The following RNF214 variants were observed in gnomAD, a reference collection of about 807,000 sequenced individuals.
The protein encoded by RNF214 is ring finger protein 214.
RNF214 carries 25 observed loss-of-function variants against 75.9 expected under a neutral mutation model. The ratio of observed to expected loss-of-function variants is 0.33; its 90% confidence interval spans 0.24 to 0.46. RNF214 has a LOEUF of 0.46. Ranked by LOEUF, RNF214 falls within the 20% of genes least tolerant of loss-of-function variation. The probability of loss-of-function intolerance (pLI) is 1.00; values close to 1 mark genes in which losing one functional copy is unlikely to be tolerated. For synonymous variants in RNF214, 314 were observed against 308.8 expected, an observed-to-expected ratio of 1.02 and a Z score of -0.18; for missense variants, 725 against 857.5, an observed-to-expected ratio of 0.85 and a Z score of 1.93.
In RNF214 at chr11:117,259,638, T is replaced by G. The variant is rs528636489; in HGVS notation, c.959+12690T>G. Among the ~76,000 whole-genome samples, 51 of 152,234 alleles carry G rather than the reference T, an allele frequency of 3.4e-4. 1 individual carries two copies. The highest frequency in any genetic ancestry group is 6.5e-4 in the Non-Finnish European group (44 of 68,048). The stretch of plus-strand genomic sequence containing the variant: ...TTATTTTTTAGAGATTGCAGATGGT[T>G]TGAATCATTGTGGTTTTAATATCCC... On this transcript the variant is annotated intron_variant, in intron 6 of 14. Coordinates refer to ENST00000300650, the MANE Select transcript of RNF214 (RefSeq NM_207343.4).
intron 4 of RNF214, among the ~76,000 whole-genome samples, chr11:117,241,925 T>G (rs963636059): frequency 1.3e-5 from 2 of 152,218 alleles, no homozygotes; most frequent in African/African-American, 4.8e-5. Flanking sequence ...CAGTGGGATC[T>G]CTCAGTATCT....
chr11:117,251,200 G>A (rs895821217), intron 6 of RNF214, among the ~76,000 whole-genome samples: 2 of 138,322 alleles, frequency 1.4e-5, no homozygotes, highest in Admixed American at 7.3e-5. Context: ...GCCGGGCAGA[G>A]GCGCCCCGCA....
chr11:117,235,850 A>G (rs981959069), intron 2 of RNF214, among the ~76,000 whole-genome samples: 1 of 152,186 alleles, frequency 6.6e-6, no homozygotes, highest in African/African-American at 2.4e-5. Context: ...GGTAATTAGC[A>G]TGTCCATCAT....
At chr11:117,248,034 A>T (rs950863700) in intron 6 of RNF214, among the ~76,000 whole-genome samples, 4 of 152,160 alleles carry the variant, frequency 2.6e-5, no homozygotes, top group African/African-American at 9.7e-5. Context: ...AGAAAAAGCA[A>T]AGTGGGCATA....
At chr11:117,251,450 C>G (rs544094243) in intron 6 of RNF214, among the ~76,000 whole-genome samples, 3 of 133,010 alleles carry the variant, frequency 2.3e-5, no homozygotes, top group African/African-American at 6.3e-5. Flanking sequence ...ACCTCCCTCC[C>G]GGACGGGGCG....
At chr11:117,257,125 G>T (rs536339974) in intron 6 of RNF214, among the ~76,000 whole-genome samples, 1 of 152,036 alleles carries the variant, frequency 6.6e-6, no homozygotes, top group African/African-American at 2.4e-5. Context: ...TTACTTGAGC[G>T]CAGGAGTTCG....
intron 5 of RNF214, 150 bp downstream of exon 5, chr11:117,244,735 G>T (rs1355973223): frequency 5.5e-6 from 3 of 550,444 alleles, no homozygotes; most frequent in Non-Finnish European, 5.8e-6. Context: ...GCATAATCTT[G>T]GCTCACTGCA....
At position 117,282,010 on chromosome 11, in the gene RNF214, G is replaced by A; in HGVS notation, c.1452G>A (p.Leu484=). ...MVMPSADPRS[L]SFPILNPALS... Reference sequence around the variant, plus strand: ...TGCCCAGTGCAGATCCCCGCTCCTTGTCTTTCCCAATCCTGAACCCTGCCC... The same window carrying A: ...TGCCCAGTGCAGATCCCCGCTCCTTATCTTTCCCAATCCTGAACCCTGCCC... The change falls in exon 11 of 15, where the codon TTG becomes TTA. Residue 484 remains leucine, a synonymous_variant. Coordinates refer to ENST00000300650, the MANE Select transcript of RNF214 (RefSeq NM_207343.4). 6.2e-7 allele frequency: 1 copy of A among 1,614,000 alleles called. No individual in the cohort carries two copies. The highest frequency in any genetic ancestry group is 8.5e-7 in the Non-Finnish European group (1 of 1,179,994).
rs552240240 is a variant in RNF214, at chr11:117,246,517, C to T, written c.820-292C>T. Among the ~76,000 whole-genome samples, 19 of 152,300 alleles carry T rather than the reference C, an allele frequency of 1.2e-4. No homozygotes were observed. The South Asian group carries it at 3.7e-3, about 30-fold the overall frequency. On this transcript the variant is annotated intron_variant, in intron 5 of 14. Transcript: ENST00000300650. ...GGTGTTCATTCAGCCTTTATTTGAA[C>T]ACCAGTAATGAAGAGCTTACTGCTT...
chr11:117,277,545 T>A (rs1191270083), intron 6 of RNF214, among the ~76,000 whole-genome samples: 1 of 152,196 alleles, frequency 6.6e-6, no homozygotes, highest in African/African-American at 2.4e-5. Context: ...ACCAGGGATA[T>A]GTGGAGAATT....
At chr11:117,243,888 A>G (rs557636709) in intron 4 of RNF214, among the ~76,000 whole-genome samples, 1 of 152,246 alleles carries the variant, frequency 6.6e-6, no homozygotes, top group African/African-American at 2.4e-5. Flanking sequence ...ACTTTATATG[A>G]AAGCTTGCTG....
At chr11:117,234,744 A>G (rs1263333608) in intron 2 of RNF214, among the ~76,000 whole-genome samples, 3 of 152,236 alleles carry the variant, frequency 2.0e-5, no homozygotes, top group African/African-American at 7.2e-5. Flanking sequence ...ATACATACAG[A>G]TACACAATTA....
At chr11:117,252,115 C>G (rs58111676) in intron 6 of RNF214, among the ~76,000 whole-genome samples, 4,376 of 152,270 alleles carry the variant, frequency 0.029, 96 homozygotes, top group Non-Finnish European at 0.044. Flanking sequence ...GTGATGTGCC[C>G]GCCTTGGCCT....
chr11:117,249,780 G>A (rs1176678113), intron 6 of RNF214, among the ~76,000 whole-genome samples: 1 of 152,160 alleles, frequency 6.6e-6, no homozygotes, highest in African/African-American at 2.4e-5. Context: ...CATTCCTGGT[G>A]TCTCTTCCTC....
At chr11:117,239,545 G>A (rs2033013665) in intron 3 of RNF214, 2 of 512,040 alleles carry the variant, frequency 3.9e-6, no homozygotes, top group Non-Finnish European at 7.0e-6. Context: ...GTAGAGGGCA[G>A]ACGTCTCATC....
rs373946473 is a variant in RNF214, at chr11:117,259,265, G to A, written c.959+12317G>A. Among the ~76,000 whole-genome samples, 31 of 152,228 alleles carry A rather than the reference G, an allele frequency of 2.0e-4. 1 individual carries two copies. The East Asian group carries it at 4.2e-3, about 21-fold the overall frequency. On this transcript the variant is annotated intron_variant, in intron 6 of 14. Coordinates refer to ENST00000300650, the MANE Select transcript of RNF214 (RefSeq NM_207343.4). ...AGCTACCGTGCCCGGCTTTATTGTT[G>A]AATAGTGTTCCTCTTACTAATGTAT...
chr11:117,272,441 G>T (rs1235696079), intron 6 of RNF214, among the ~76,000 whole-genome samples: 2 of 152,124 alleles, frequency 1.3e-5, no homozygotes, highest in Non-Finnish European at 2.9e-5. Context: ...AGTTGGGGGG[G>T]TAGGGAGGAA....
At chr11:117,245,134 A>G (rs934500709) in intron 5 of RNF214, among the ~76,000 whole-genome samples, 1 of 150,618 alleles carries the variant, frequency 6.6e-6, no homozygotes, top group Non-Finnish European at 1.5e-5. Flanking sequence ...CCTGGGCAAC[A>G]TGGCAAAATC....
At chr11:117,270,840 C>T (rs2134406784) in intron 6 of RNF214, among the ~76,000 whole-genome samples, 1 of 152,338 alleles carries the variant, frequency 6.6e-6, no homozygotes, top group African/African-American at 2.4e-5. Context: ...GTCCTCCTGC[C>T]TGTGCCTCAC....
Sources: allele counts gnomAD v4.1 joint callset (sites outside exome capture counted in the v4.1 genomes callset), GRCh38; gene constraint gnomAD v4.1.1; transcripts MANE v1.5; gene names NCBI Gene and HGNC (gene_info 2026-07-23, HGNC 2026-07-21).